Variants in TMEM131L observed in about 807,000 individuals in gnomAD.
TMEM131L encodes transmembrane 131 like, also known as transmembrane protein 131-like.
In TMEM131L, 54 loss-of-function variants were observed where a neutral mutation model predicts 192.2. The observed-to-expected ratio is 0.28, with a 90% CI of 0.23 to 0.35. TMEM131L has a LOEUF of 0.35. Among genes scored for constraint, TMEM131L ranks in the 10% least tolerant of loss-of-function variants. The probability of loss-of-function intolerance (pLI) is 1.00; values close to 1 mark genes in which losing one functional copy is unlikely to be tolerated. For synonymous variants in TMEM131L, 701 were observed against 704.9 expected, an observed-to-expected ratio of 0.99 and a Z score of 0.09; for missense variants, 1,888 against 1,972.9, an observed-to-expected ratio of 0.96 and a Z score of 0.82.
At chr4:153,630,630 G>A (rs1474796771) in intron 31 of TMEM131L, among the ~76,000 whole-genome samples, 1 of 152,228 alleles carries the variant, frequency 6.6e-6, no homozygotes, top group Non-Finnish European at 1.5e-5. Context: ...ACTTCAGCTA[G>A]TATCAGCAAA....
intron 11 of TMEM131L, 86 bp from the exon 12 acceptor site, chr4:153,584,749 T>C: frequency 1.2e-6 from 1 of 844,702 alleles, no homozygotes; most frequent in Non-Finnish European, 1.8e-6. Flanking sequence ...TGAATAAAAA[T>C]TTATAAATAA....
At position 153,602,208 on chromosome 4, in the gene TMEM131L, A is replaced by G; in HGVS notation, c.2323A>G (p.Ile775Val). The change falls in exon 22 of 35, where the codon ATT becomes GTT. Residue 775 changes from isoleucine (I) to valine (V), a missense_variant. Ile to Val is a conservative substitution (Grantham distance 29, BLOSUM62 3). Transcript: ENST00000409959. ...SITKNFKVEN[I>V]GPLPITVSSL... is the part of the protein sequence containing the mutation. ...TACAAAGAACTTTAAAGTTGAGAAT[A>G]TTGGACCTCTTCCTATAACTGTTTC... 1 of 1,612,638 alleles carries G rather than the reference A, an allele frequency of 6.2e-7. No individual in the cohort carries two copies. Among genetic ancestry groups the G allele is most frequent in the Admixed American group, 1.7e-5 (1 of 59,704 alleles).
At chr4:153,625,284 G>A (rs80119660) in intron 29 of TMEM131L, among the ~76,000 whole-genome samples, 16,671 of 151,858 alleles carry the variant, frequency 0.11, 2,529 homozygotes, top group African/African-American at 0.34. Context: ...GGTGACGAGC[G>A]CCTGCAGTTA....
chr4:153,578,621 C>T (rs1247462349), intron 7 of TMEM131L, among the ~76,000 whole-genome samples: 9 of 151,096 alleles, frequency 6.0e-5, no homozygotes, highest in African/African-American at 1.5e-4. Flanking sequence ...CTCAGGTTCA[C>T]GCCATTCTCC....
Position 153,510,853 on chromosome 4 carries a change from C to T in TMEM131L, c.239+36965C>T, listed in dbSNP as rs183123389. Among the ~76,000 whole-genome samples the T allele has an allele frequency of 2.9e-3, 442 of 151,626 alleles. 1 individual carries two copies. The highest frequency in any genetic ancestry group is 0.019 in the South Asian group (91 of 4,800). ...AGTGAGCCATGATCATGCCAGTGTACTCCAGCCTGGACAATGTAGTGAGAC... is the reference window on the plus strand; with the variant it reads ...AGTGAGCCATGATCATGCCAGTGTATTCCAGCCTGGACAATGTAGTGAGAC... On this transcript the variant is annotated intron_variant, in intron 3 of 34. Coordinates refer to ENST00000409959, the MANE Select transcript of TMEM131L (RefSeq NM_001131007.2).
intron 3 of TMEM131L, among the ~76,000 whole-genome samples, chr4:153,481,582 C>T (rs1731941533): frequency 6.6e-6 from 1 of 152,154 alleles, no homozygotes; most frequent in Admixed American, 6.6e-5. Flanking sequence ...GTCACCTAGG[C>T]TTTAGTGCAG....
chr4:153,577,398 A>G (rs1472909731), intron 7 of TMEM131L, among the ~76,000 whole-genome samples: 2 of 152,148 alleles, frequency 1.3e-5, no homozygotes, highest in Non-Finnish European at 2.9e-5. Context: ...GGATGCAGGG[A>G]GACTAAGAGG....
chr4:153,624,843 C>T (rs1239482043), intron 29 of TMEM131L, among the ~76,000 whole-genome samples: 3 of 152,218 alleles, frequency 2.0e-5, no homozygotes, highest in African/African-American at 4.8e-5. Context: ...ACTATTTCTT[C>T]TCTCTCCCAC....
At chr4:153,498,212 T>G (rs1237011411) in intron 3 of TMEM131L, among the ~76,000 whole-genome samples, 1 of 152,140 alleles carries the variant, frequency 6.6e-6, no homozygotes, top group Non-Finnish European at 1.5e-5. Flanking sequence ...GCCAGGGGTT[T>G]GGGGGAGTCC....
At chr4:153,495,299 G>A (rs958101616) in intron 3 of TMEM131L, among the ~76,000 whole-genome samples, 5 of 151,852 alleles carry the variant, frequency 3.3e-5, no homozygotes, top group Non-Finnish European at 7.4e-5. Flanking sequence ...CAGCCTGGGC[G>A]ACAGAGTGAG....
chr4:153,516,550 C>T (rs942198384), intron 3 of TMEM131L, among the ~76,000 whole-genome samples: 25 of 151,918 alleles, frequency 1.6e-4, no homozygotes, highest in African/African-American at 5.6e-4. Flanking sequence ...ATTCTTTATA[C>T]GTGAAGTTTA....
intron 7 of TMEM131L, among the ~76,000 whole-genome samples, chr4:153,576,383 C>T (rs1294484076): frequency 4.6e-5 from 7 of 152,112 alleles, no homozygotes; most frequent in Admixed American, 2.6e-4. Context: ...TGAAATATGT[C>T]CTACAACAAA....
rs906130538 is a variant in TMEM131L, at chr4:153,467,224, G to T, written c.138G>T (p.Leu46Phe). ...GTGTTCCTGCAGCGATTGAGCCGTTGCCGAACGTGGTGGAGCTGTGGCAGG... is the reference window on the plus strand; with the variant it reads ...GTGTTCCTGCAGCGATTGAGCCGTTTCCGAACGTGGTGGAGCTGTGGCAGG... The part of the protein sequence containing the change: ...GGAQGQAIEP[L>F]PNVVELWQAE... Residue 46 changes from leucine (L) to phenylalanine (F), a missense_variant, in exon 2 of 35, where the codon TTG becomes TTT. Transcript: ENST00000409959. 3.9e-6 allele frequency: 6 copies of T among 1,551,632 alleles called. No homozygotes were observed. Among genetic ancestry groups the T allele is most frequent in the African/African-American group, 2.7e-5 (2 of 73,050 alleles).
intron 3 of TMEM131L, among the ~76,000 whole-genome samples, chr4:153,513,993 A>AT (rs1177913601): frequency 2.6e-5 from 4 of 151,986 alleles, no homozygotes; most frequent in Non-Finnish European, 5.9e-5. Context: ...GATAAGTCTC[A>AT]TTTTTTTTCT....
chr4:153,621,946 A>C, intron 28 of TMEM131L, 97 bp downstream of exon 28: 2 of 1,187,476 alleles, frequency 1.7e-6, no homozygotes, highest in Non-Finnish European at 2.4e-6. Context: ...CAGTGATTTT[A>C]TCTCTACAGG....
chr4:153,634,631 G>T (rs1734447917), intron 33 of TMEM131L, among the ~76,000 whole-genome samples: 1 of 152,136 alleles, frequency 6.6e-6, no homozygotes, highest in Non-Finnish European at 1.5e-5. Flanking sequence ...TTCTTTTTAG[G>T]CAGTCAAGTC....
At chr4:153,627,531 A>C (rs764215785) in intron 30 of TMEM131L, 74 bp from the exon 31 acceptor site, 6 of 1,114,558 alleles carry the variant, frequency 5.4e-6, no homozygotes, top group Non-Finnish European at 8.1e-6. Flanking sequence ...ACTCAATCAG[A>C]CGTGGTTATA....
In TMEM131L at chr4:153,530,959, T is replaced by TATTAAATC. The variant is rs1388654100; in HGVS notation, c.240-19113_240-19106dup. On this transcript the variant is annotated intron_variant, in intron 3 of 34. Transcript: ENST00000409959. Reference sequence around the variant, plus strand: ...GATTTTATAAGCACCTAATTCTCTATATTAAATCCCTTTCTGCTTAAAATA... The same window carrying TATTAAATC: ...GATTTTATAAGCACCTAATTCTCTATATTAAATCATTAAATCCCTTTCTGCTTAAAATA... 2.6e-5 allele frequency among the ~76,000 whole-genome samples: 4 copies of TATTAAATC among 152,194 alleles called. No individual in the cohort carries two copies. In the East Asian group the frequency reaches 7.7e-4, roughly 29 times the overall value.
At chr4:153,620,272 A>G (rs892646940) in intron 26 of TMEM131L, among the ~76,000 whole-genome samples, 2 of 152,204 alleles carry the variant, frequency 1.3e-5, no homozygotes, top group African/African-American at 2.4e-5. Flanking sequence ...ATTCTTGCCT[A>G]TTTACCTGAG....
Sources: allele counts gnomAD v4.1 joint callset (sites outside exome capture counted in the v4.1 genomes callset), GRCh38; gene constraint gnomAD v4.1.1; transcripts MANE v1.5; gene names NCBI Gene and HGNC (gene_info 2026-07-23, HGNC 2026-07-21).